PLEKHM3: variants seen among roughly 807,000 people sequenced by gnomAD.
The protein encoded by PLEKHM3 is pleckstrin homology domain containing M3.
Under a neutral mutation model 81.8 loss-of-function variants are expected in PLEKHM3, and 45 were observed. The ratio of observed to expected loss-of-function variants is 0.55; its 90% CI spans 0.43 to 0.71. The LOEUF (loss-of-function observed/expected upper bound fraction) is 0.71. PLEKHM3 is among the 30% of genes least tolerant of loss of function. PLEKHM3 has a pLI of 0.00. For missense variants in PLEKHM3, 788 were observed against 924.3 expected, an observed-to-expected ratio of 0.85 and a Z score of 1.91; for synonymous variants, 352 against 356.4, an observed-to-expected ratio of 0.99 and a Z score of 0.14.
chr2:207,932,941 C>T (rs969062867), intron 4 of PLEKHM3, among the ~76,000 whole-genome samples: 1 of 152,100 alleles, frequency 6.6e-6, no homozygotes, highest in African/African-American at 2.4e-5. Context: ...TCAATATGAT[C>T]ATTTTCTTAT....
intron 7 of PLEKHM3, among the ~76,000 whole-genome samples, chr2:207,857,891 T>A (rs538100541): frequency 4.6e-5 from 7 of 151,706 alleles, no homozygotes; most frequent in South Asian, 2.1e-4. Flanking sequence ...CTCTTTTTTT[T>A]ATCTAGTTTC....
chr2:207,963,169 G>A (rs554480569), intron 3 of PLEKHM3, among the ~76,000 whole-genome samples: 61 of 152,250 alleles, frequency 4.0e-4, no homozygotes, highest in Non-Finnish European at 7.4e-4. Flanking sequence ...TAACATTTAC[G>A]TTAGTGGCCT....
At chr2:207,994,515 T>C (rs1553564265) in intron 2 of PLEKHM3, among the ~76,000 whole-genome samples, 5 of 151,994 alleles carry the variant, frequency 3.3e-5, no homozygotes, top group Non-Finnish European at 2.9e-5. Flanking sequence ...TTTCATTTTC[T>C]GGAGTTGACT....
Position 207,946,445 on chromosome 2 carries a change from G to C in PLEKHM3, c.1614C>G (p.Tyr538Ter). ...AKVCNYSGWY[Y>*]CSSCHVDDSF... ...TGTCATCCACGTGGCAGCTACTGCA[G>C]TAATACCACCCACTGTAGTTGCACA... The change falls in exon 4 of 8, where the codon TAC becomes TAG. Residue 538 changes from tyrosine (Y) to a stop codon, truncating the protein, a stop_gained. Coordinates refer to ENST00000427836, the MANE Select transcript of PLEKHM3 (RefSeq NM_001080475.3). LOFTEE classifies it high-confidence loss of function. 1 of 1,614,158 alleles carries C rather than the reference G, an allele frequency of 6.2e-7. No individual in the cohort carries two copies. Among genetic ancestry groups the C allele is most frequent in the Non-Finnish European group, 8.5e-7 (1 of 1,180,012 alleles).
intron 1 of PLEKHM3, among the ~76,000 whole-genome samples, chr2:208,002,796 C>T (rs140646309): frequency 2.6e-5 from 4 of 152,028 alleles, no homozygotes; most frequent in African/African-American, 7.2e-5. Context: ...CTGTCCAGTA[C>T]AGTAGATAGT....
chr2:207,947,333 T>C (rs1051451603), intron 3 of PLEKHM3, among the ~76,000 whole-genome samples: 6 of 152,232 alleles, frequency 3.9e-5, no homozygotes, highest in African/African-American at 1.2e-4. Flanking sequence ...TTGCCTACAA[T>C]GCCCTTTTCA....
chr2:207,880,534 C>T (rs568816598), intron 6 of PLEKHM3, among the ~76,000 whole-genome samples: 8 of 150,778 alleles, frequency 5.3e-5, no homozygotes, highest in East Asian at 1.9e-4. Context: ...GAGGCCGAGA[C>T]GGGCGGATCA....
chr2:207,881,578 G>A (rs761741013), intron 6 of PLEKHM3, among the ~76,000 whole-genome samples: 1 of 152,188 alleles, frequency 6.6e-6, no homozygotes, highest in Non-Finnish European at 1.5e-5. Context: ...CAGTAACTAT[G>A]TGTGCTTCCC....
In PLEKHM3 at chr2:207,924,348, T is replaced by C. The variant is rs568559653; in HGVS notation, c.1886+6578A>G. Among the ~76,000 whole-genome samples, 5 of 152,178 alleles carry C rather than the reference T, an allele frequency of 3.3e-5. No individual in the cohort carries two copies. In the East Asian group the frequency reaches 9.7e-4, roughly 30 times the overall value. On this transcript the variant is annotated intron_variant, in intron 5 of 7. Transcript: ENST00000427836. ...GTTGTCACCTTATAGTCAGTGTCGA[T>C]TTACAGAGGGACCATGACTCTCTCC...
intron 6 of PLEKHM3, among the ~76,000 whole-genome samples, chr2:207,878,838 T>G (rs992028866): frequency 1.3e-5 from 2 of 151,878 alleles, no homozygotes; most frequent in Non-Finnish European, 2.9e-5. Context: ...TATTTTTATT[T>G]TTTTTATTTT....
At chr2:207,910,442 A>G (rs1214002030) in intron 5 of PLEKHM3, among the ~76,000 whole-genome samples, 1 of 152,206 alleles carries the variant, frequency 6.6e-6, no homozygotes, top group Non-Finnish European at 1.5e-5. Context: ...ACATCATTTT[A>G]TCTAATCCTC....
chr2:207,864,031 A>G (rs1372366117), intron 6 of PLEKHM3, among the ~76,000 whole-genome samples: 2 of 151,954 alleles, frequency 1.3e-5, no homozygotes, highest in Non-Finnish European at 2.9e-5. Context: ...GTGCAAGCAA[A>G]TTGTCACTTT....
chr2:207,863,184 C>T (rs1227040254), intron 6 of PLEKHM3, among the ~76,000 whole-genome samples: 1 of 152,210 alleles, frequency 6.6e-6, no homozygotes, highest in Non-Finnish European at 1.5e-5. Context: ...TGCTTCGGCC[C>T]CAGGTGTGGT....
rs186939543 is a variant in PLEKHM3, at chr2:207,882,709, T to A, written c.1951-21447A>T. Among the ~76,000 whole-genome samples the A allele has an allele frequency of 5.1e-4, 78 of 152,180 alleles. 1 individual carries two copies. Among genetic ancestry groups the A allele is most frequent in the Non-Finnish European group, 4.0e-4 (27 of 68,016 alleles). Reference sequence around the variant, plus strand: ...TAAAAGTCATTGTCTACTGATGATGTTGTTTATTCAGACTAAAAGGCAGAC... The same window carrying A: ...TAAAAGTCATTGTCTACTGATGATGATGTTTATTCAGACTAAAAGGCAGAC... On this transcript the variant is annotated intron_variant, in intron 6 of 7. Coordinates refer to ENST00000427836, the MANE Select transcript of PLEKHM3 (RefSeq NM_001080475.3).
At chr2:208,010,302 G>A (rs947967927) in intron 1 of PLEKHM3, among the ~76,000 whole-genome samples, 3 of 152,226 alleles carry the variant, frequency 2.0e-5, no homozygotes, top group African/African-American at 4.8e-5. Context: ...CTTTGCGACT[G>A]AAGGCAGCAG....
At chr2:207,901,202 T>G (rs1180492759) in intron 6 of PLEKHM3, 1 of 700,318 alleles carries the variant, frequency 1.4e-6, no homozygotes, top group Non-Finnish European at 2.6e-6. Flanking sequence ...CAAAAGGCAG[T>G]GACTTTGTCC....
chr2:207,865,835 T>TAC (rs2092497279), intron 6 of PLEKHM3, among the ~76,000 whole-genome samples: 1 of 113,766 alleles, frequency 8.8e-6, no homozygotes, highest in African/African-American at 3.2e-5. Context: ...TATATATATA[T>TAC]ATACTTTCTG....
intron 5 of PLEKHM3, among the ~76,000 whole-genome samples, chr2:207,910,667 G>T (rs1688782663): frequency 6.6e-6 from 1 of 152,120 alleles, no homozygotes; most frequent in Non-Finnish European, 1.5e-5. Flanking sequence ...GTAATATCAT[G>T]CATGTCTCTT....
intron 1 of PLEKHM3, among the ~76,000 whole-genome samples, chr2:208,024,160 A>G (rs10200490): frequency 0.021 from 3,150 of 148,494 alleles, 121 homozygotes; most frequent in African/African-American, 0.076. Flanking sequence ...AATAAAATAA[A>G]ATAAAATAAA....
Sources: gnomAD v4.1 joint callset for allele counts (sites outside exome capture counted in the v4.1 genomes callset) on GRCh38, gnomAD v4.1.1 for gene constraint, MANE v1.5 for transcripts, NCBI Gene and HGNC (gene_info 2026-07-23, HGNC 2026-07-21) for gene names.